The following LARP4B variants were observed in gnomAD, a reference collection of about 807,000 sequenced individuals.
The protein encoded by LARP4B is la-related protein 4B.
Under a neutral mutation model 89.8 loss-of-function variants are expected in LARP4B, and 12 were observed. The ratio of observed to expected loss-of-function variants is 0.13; its 90% CI spans 0.09 to 0.22. LARP4B has a LOEUF of 0.22. LARP4B is among the 10% of genes least tolerant of loss of function. The probability of loss-of-function intolerance (pLI) is 1.00; values close to 1 mark genes in which losing one functional copy is unlikely to be tolerated. For synonymous variants in LARP4B, 367 were observed against 363.3 expected (o/e 1.01, Z -0.12); for missense variants, 757 against 947.7 (o/e 0.80, Z 2.64).
intron 4 of LARP4B, 68 bp from the exon 5 acceptor site, chr10:863,951 C>T: frequency 6.4e-7 from 1 of 1,570,302 alleles, no homozygotes; most frequent in Non-Finnish European, 8.6e-7. Context: ...ACAAAGCTTA[C>T]ACTTGCAGTG....
At chr10:873,646 G>A (rs548250515) in intron 3 of LARP4B, among the ~76,000 whole-genome samples, 7 of 152,094 alleles carry the variant, frequency 4.6e-5, no homozygotes, top group Non-Finnish European at 7.4e-5. Context: ...CTAGCTTTAC[G>A]AAATGATGTC....
At chr10:985,422 A>G in the LARP4B span, 14 of 152,370 alleles carry the variant, frequency 9.2e-5, no homozygotes, top group Admixed American at 8.5e-4. Context: ...CATGCCTGGT[A>G]GATAGTAAGT....
At chr10:847,932 T>C (rs1833855603) in intron 5 of LARP4B, among the ~76,000 whole-genome samples, 1 of 152,166 alleles carries the variant, frequency 6.6e-6, no homozygotes, top group African/African-American at 2.4e-5. Flanking sequence ...ACCCAGTGTA[T>C]GGCTGTGTGG....
At chr10:871,685 C>T (rs1194282315) in intron 3 of LARP4B, among the ~76,000 whole-genome samples, 3 of 152,150 alleles carry the variant, frequency 2.0e-5, no homozygotes, top group Non-Finnish European at 4.4e-5. Flanking sequence ...ATCAAGCTGG[C>T]TTGGGGCTGC....
chr10:868,894 T>C (rs1309677289), intron 3 of LARP4B, among the ~76,000 whole-genome samples: 2 of 152,254 alleles, frequency 1.3e-5, no homozygotes, highest in South Asian at 4.1e-4. Context: ...AAATCATGAA[T>C]AAACCACTGG....
downstream of LARP4B, chr10:808,604 G>T: frequency 6.6e-6 from 1 of 152,286 alleles, no homozygotes; most frequent in Non-Finnish European, 1.5e-5. Flanking sequence ...GACCAGTGGA[G>T]AGACAGTGAA....
chr10:856,576 T>C (rs1005840648), intron 5 of LARP4B, among the ~76,000 whole-genome samples: 1 of 152,200 alleles, frequency 6.6e-6, no homozygotes, highest in Non-Finnish European at 1.5e-5. Flanking sequence ...AACACTGTCC[T>C]GGAACTGATT....
chr10:981,756 T>C, the LARP4B span, among the ~76,000 whole-genome samples: 1 of 152,078 alleles, frequency 6.6e-6, no homozygotes, highest in Non-Finnish European at 1.5e-5. Context: ...TTTTAGTAGA[T>C]ATGGGGTTTC....
chr10:949,702 C>CCCTAAG, the LARP4B span, among the ~76,000 whole-genome samples: 1 of 152,218 alleles, frequency 6.6e-6, no homozygotes, highest in African/African-American at 2.4e-5. Flanking sequence ...CCACTATGTT[C>CCCTAAG]GGTGTCATTC....
At chr10:977,965 G>GC in the LARP4B span, among the ~76,000 whole-genome samples, 2 of 152,216 alleles carry the variant, frequency 1.3e-5, no homozygotes, top group Admixed American at 1.3e-4. Flanking sequence ...TTAAAAGTGA[G>GC]CCCCCCGCCT....
chr10:893,995 G>A (rs1488241001), intron 1 of LARP4B, among the ~76,000 whole-genome samples: 1 of 152,000 alleles, frequency 6.6e-6, no homozygotes, highest in African/African-American at 2.4e-5. Context: ...AGCTGATCAG[G>A]GCAAGAACCA....
chr10:811,309 C>T lies in LARP4B; in HGVS notation c.*1617G>A, dbSNP rs1452143351. 2.0e-5 allele frequency: 3 copies of T among 152,546 alleles called. No homozygotes were observed. Among genetic ancestry groups the T allele is most frequent in the South Asian group, 4.2e-4 (2 of 4,818 alleles). The allele number at this position is 152,546 out of a possible 1,614,324, so 9.4% of individuals were successfully genotyped here. A position where few individuals can be genotyped will look rare whatever the true frequency, so the allele number is the denominator to read the frequency against. ...TATCAGAATTTTCTCTGTAGGGTAC[C>T]TTTTTCATATGTTCTGATTATTTAC... is the stretch of plus-strand genomic sequence containing the variant. On this transcript the variant is annotated 3_prime_UTR_variant, in exon 18 of 18. Transcript: ENST00000316157.
At chr10:894,469 A>G (rs906767804) in intron 1 of LARP4B, among the ~76,000 whole-genome samples, 1 of 152,230 alleles carries the variant, frequency 6.6e-6, no homozygotes. Flanking sequence ...AAATAATCCA[A>G]TGTGATGTAA....
At chr10:808,715 G>A (rs1425267454), downstream of LARP4B, 2 of 147,362 alleles carry the variant, frequency 1.4e-5, no homozygotes, top group East Asian at 2.0e-4. Flanking sequence ...GGCCCAGCTG[G>A]ATTAAAAGCG....
intron 5 of LARP4B, among the ~76,000 whole-genome samples, chr10:849,523 GA>G (rs1833939462): frequency 6.6e-6 from 1 of 152,188 alleles, no homozygotes; most frequent in Non-Finnish European, 1.5e-5. Context: ...AAATAAAGGA[GA>G]AGAGACAAAT....
intron 1 of LARP4B, among the ~76,000 whole-genome samples, chr10:898,032 G>A (rs1057501881): frequency 4.6e-5 from 6 of 131,356 alleles, no homozygotes; most frequent in Non-Finnish European, 8.2e-5. Context: ...TGATCCGAAC[G>A]AACATTTTCC....
intron 5 of LARP4B, among the ~76,000 whole-genome samples, chr10:863,529 C>G (rs1013909155): frequency 6.6e-6 from 1 of 152,138 alleles, no homozygotes; most frequent in Admixed American, 6.5e-5. Context: ...GCGCCCGGCC[C>G]AGGTTTCATC....
intron 1 of LARP4B, among the ~76,000 whole-genome samples, chr10:890,202 A>G (rs1457449857): frequency 6.6e-6 from 1 of 152,224 alleles, no homozygotes; most frequent in Non-Finnish European, 1.5e-5. Context: ...GGAGCTCCCT[A>G]TTCGCAATAA....
chr10:980,374 G>T, the LARP4B span, among the ~76,000 whole-genome samples: 1 of 152,186 alleles, frequency 6.6e-6, no homozygotes. Flanking sequence ...CTGTGTGGGG[G>T]CTCCAACCTC....
Sources: allele counts gnomAD v4.1 joint callset (sites outside exome capture counted in the v4.1 genomes callset), GRCh38; gene constraint gnomAD v4.1.1; transcripts MANE v1.5; gene names NCBI Gene and HGNC (gene_info 2026-07-23, HGNC 2026-07-21).